The following MBD5 variants were observed in gnomAD, a reference collection of about 807,000 sequenced individuals.
The protein encoded by MBD5 is methyl-CpG-binding domain protein 5.
In MBD5, 13 loss-of-function variants were observed where a neutral mutation model predicts 117.3. The observed-to-expected ratio is 0.11, with a 90% CI of 0.07 to 0.18. MBD5 has a LOEUF of 0.18. Among genes scored for constraint, MBD5 ranks in the 10% least tolerant of loss-of-function variants. The probability of loss-of-function intolerance (pLI) is 1.00; values close to 1 mark genes in which losing one functional copy is unlikely to be tolerated. For synonymous variants in MBD5, 727 were observed against 766.4 expected, an observed-to-expected ratio of 0.95 and a Z score of 0.85; for missense variants, 1,879 against 2,093.8, an observed-to-expected ratio of 0.90 and a Z score of 2.00.
In MBD5 at chr2:148,458,739, G is replaced by A; in HGVS notation, c.-20G>A. On this transcript the variant is annotated 5_prime_UTR_variant, in exon 5 of 14. Transcript: ENST00000642680. ...ATCTTATTGCTGATATCTTTGGAGA[G>A]TCCCTAGCAGACACAGAAAATGAAT... 6.3e-7 allele frequency: 1 copy of A among 1,588,320 alleles called. No individual in the cohort carries two copies.
chr2:148,272,319 G>A (rs971377875), intron 3 of MBD5, among the ~76,000 whole-genome samples: 1 of 152,142 alleles, frequency 6.6e-6, no homozygotes, highest in Non-Finnish European at 1.5e-5. Context: ...GTGGGATCAT[G>A]TACTAGTTCT....
intron 1 of MBD5, among the ~76,000 whole-genome samples, chr2:148,033,501 CTT>C (rs1311540574): frequency 6.6e-6 from 1 of 152,090 alleles, no homozygotes; most frequent in Admixed American, 6.6e-5. Context: ...TTTTAAGCCT[CTT>C]TGGACACTAG....
At chr2:148,209,750 AG>A (rs1699374751) in intron 2 of MBD5, among the ~76,000 whole-genome samples, 1 of 152,020 alleles carries the variant, frequency 6.6e-6, no homozygotes, top group Admixed American at 6.6e-5. Context: ...CCATGGTGAA[AG>A]GCAAAGCATG....
chr2:148,043,023 G>A (rs1379626306), intron 1 of MBD5, among the ~76,000 whole-genome samples: 2 of 152,120 alleles, frequency 1.3e-5, no homozygotes, highest in African/African-American at 2.4e-5. Context: ...ATTTCAGGGA[G>A]TTTGTGAGTG....
intron 4 of MBD5, among the ~76,000 whole-genome samples, chr2:148,440,454 C>T (rs1706284631): frequency 6.6e-6 from 1 of 152,136 alleles, no homozygotes; most frequent in African/African-American, 2.4e-5. Context: ...AGATTCTATT[C>T]GGCCTCCACT....
At chr2:148,179,995 A>G (rs1698484885) in intron 2 of MBD5, among the ~76,000 whole-genome samples, 1 of 152,172 alleles carries the variant, frequency 6.6e-6, no homozygotes, top group Non-Finnish European at 1.5e-5. Flanking sequence ...TAAGCCAAGT[A>G]AAACAGTTTA....
At chr2:148,200,678 G>A (rs1304908473) in intron 2 of MBD5, among the ~76,000 whole-genome samples, 1 of 147,178 alleles carries the variant, frequency 6.8e-6, no homozygotes, top group Non-Finnish European at 1.5e-5. Context: ...GGGTGACAGA[G>A]CGAGACTCTA....
At chr2:148,412,272 T>TTTTGTGTGTGTGTGTG (rs946184910) in intron 4 of MBD5, among the ~76,000 whole-genome samples, 158 of 144,580 alleles carry the variant, frequency 1.1e-3, no homozygotes, top group African/African-American at 4.0e-3. Context: ...AGTATACTTT[T>TTTTGTGTGTGTGTGTG]TGTGTGTGTG....
At chr2:148,344,451 T>G (rs1236110247) in intron 4 of MBD5, among the ~76,000 whole-genome samples, 24 of 152,076 alleles carry the variant, frequency 1.6e-4, no homozygotes, top group Non-Finnish European at 5.9e-5. Context: ...TCCATGAGCA[T>G]GTAATGTTTT....
intron 1 of MBD5, among the ~76,000 whole-genome samples, chr2:148,102,236 A>G (rs1696234213): frequency 6.6e-6 from 1 of 152,224 alleles, no homozygotes; most frequent in South Asian, 2.1e-4. Flanking sequence ...CACAGACCTG[A>G]AAACGGCTTT....
chr2:148,187,693 GA>G (rs1341326588), intron 2 of MBD5, among the ~76,000 whole-genome samples: 1 of 151,116 alleles, frequency 6.6e-6, no homozygotes, highest in Non-Finnish European at 1.5e-5. Context: ...CTATAACCAG[GA>G]AAAAACATCT....
intron 1 of MBD5, among the ~76,000 whole-genome samples, chr2:148,056,325 A>G (rs1230204505): frequency 2.0e-5 from 3 of 152,062 alleles, no homozygotes; most frequent in East Asian, 1.9e-4. Context: ...TCCAAACCTT[A>G]TGCCTTTTAT....
chr2:148,490,598 TAC>T lies in MBD5; in HGVS notation c.4962+5_4962+6del. The T allele has an allele frequency of 6.2e-7, 1 of 1,614,144 alleles. No individual in the cohort carries two copies. The highest frequency in any genetic ancestry group is 1.7e-4 in the Middle Eastern group (1 of 6,060). On this transcript the variant is annotated splice_donor_5th_base_variant and intron_variant, in intron 11 of 13. Transcript: ENST00000642680. ...ACAAAGCCCCGAGGAAGGGAAGGTATACCAATCTTTATCCATTGTCAAATACT... is the reference window on the plus strand; with the variant it reads ...ACAAAGCCCCGAGGAAGGGAAGGTATCAATCTTTATCCATTGTCAAATACT...
chr2:148,339,368 G>T (rs1177949516), intron 3 of MBD5, among the ~76,000 whole-genome samples: 2 of 152,082 alleles, frequency 1.3e-5, no homozygotes, highest in African/African-American at 4.8e-5. Context: ...TCTCCAAAGT[G>T]AGTGGCCTCC....
In MBD5 at chr2:148,515,624, G is replaced by A. The variant is rs1682330146; in HGVS notation, c.*2683G>A. 6.6e-6 allele frequency: 1 copy of A among 152,014 alleles called. No individual in the cohort carries two copies. The highest frequency in any genetic ancestry group is 1.5e-5 in the Non-Finnish European group (1 of 67,984). The allele number at this position is 152,014 out of a possible 1,614,324, so 9.4% of individuals were successfully genotyped here. ...AATTCATTTTTTTAAATGAAGGCTA[G>A]GCCTTCTATGTTACCAAAATTTTTA... On this transcript the variant is annotated 3_prime_UTR_variant, in exon 14 of 14. Transcript: ENST00000642680.
chr2:148,411,420 C>T (rs577658074), intron 4 of MBD5, among the ~76,000 whole-genome samples: 1 of 151,770 alleles, frequency 6.6e-6, no homozygotes, highest in East Asian at 1.9e-4. Flanking sequence ...GAGAAGTCAC[C>T]ATACTGCTTT....
chr2:148,022,006 GAGAC>G (rs1693757916), intron 1 of MBD5, among the ~76,000 whole-genome samples: 1 of 152,134 alleles, frequency 6.6e-6, no homozygotes, highest in Non-Finnish European at 1.5e-5. Flanking sequence ...GCCAGGGAAA[GAGAC>G]AGAAAGAGGC....
chr2:148,469,436 G>T lies in MBD5; in HGVS notation c.1493G>T (p.Gly498Val). Residue 498 changes from glycine to valine, a missense_variant, in exon 8 of 14, where the codon GGG (glycine) becomes GTG (valine). Physicochemically the swap from Gly to Val is moderately radical, Grantham distance 109. This residue lies in a region of MBD5 where 1,666 missense variants were observed against 1,792.2 expected (regional missense o/e 0.93). Coordinates refer to ENST00000642680, the MANE Select transcript of MBD5 (RefSeq NM_001378120.1). ...VPPRSPRSTI[G>V]SPRPSMPSSP... ...CCCAGGTCACCAAGGTCAACAATAG[G>T]GTCCCCAAGGCCATCAATGCCATCA... 6.2e-7 allele frequency: 1 copy of T among 1,613,702 alleles called. No individual in the cohort carries two copies. The highest frequency in any genetic ancestry group is 8.5e-7 in the Non-Finnish European group (1 of 1,179,912).
chr2:148,047,251 A>G (rs1375870413), intron 1 of MBD5, among the ~76,000 whole-genome samples: 1 of 152,208 alleles, frequency 6.6e-6, no homozygotes, highest in South Asian at 2.1e-4. Context: ...GTCAGTCACC[A>G]AGATTATCAA....
Sources: allele counts gnomAD v4.1 joint callset (sites outside exome capture counted in the v4.1 genomes callset), GRCh38; gene constraint gnomAD v4.1.1; regional missense constraint gnomAD v4.1.1; transcripts MANE v1.5; gene names NCBI Gene and HGNC (gene_info 2026-07-23, HGNC 2026-07-21).